Variants in GPHN observed in about 807,000 individuals in gnomAD.
GPHN encodes gephyrin.
In GPHN, 17 loss-of-function variants were observed where a neutral mutation model predicts 95.5. The observed-to-expected ratio is 0.18, with a 90% CI of 0.12 to 0.27. GPHN has a LOEUF of 0.27. Ranked by LOEUF, GPHN falls within the 10% of genes least tolerant of loss-of-function variation. GPHN has a pLI of 1.00. For missense variants in GPHN, 660 were observed against 978.1 expected (o/e 0.67, Z 4.34); for synonymous variants, 320 against 322.5 (o/e 0.99, Z 0.08).
the GPHN span, among the ~76,000 whole-genome samples, chr14:67,407,536 G>T: frequency 6.6e-6 from 1 of 151,750 alleles, no homozygotes; most frequent in Non-Finnish European, 1.5e-5. Context: ...AAACCCCTGG[G>T]CTCAAGCGAT....
At chr14:67,434,544 A>G in the GPHN span, among the ~76,000 whole-genome samples, 404 of 152,340 alleles carry the variant, frequency 2.7e-3, no homozygotes, top group Non-Finnish European at 4.5e-3. Context: ...TATTCATTTT[A>G]TCAAGAAGGT....
At chr14:67,030,603 C>CTT (rs2074147886) in intron 10 of GPHN, among the ~76,000 whole-genome samples, 1 of 152,184 alleles carries the variant, frequency 6.6e-6, no homozygotes, top group South Asian at 2.1e-4. Context: ...ACTTATCCTA[C>CTT]AGTTCTTTCA....
At chr14:67,246,312 G>A in the GPHN span, among the ~76,000 whole-genome samples, 1 of 151,342 alleles carries the variant, frequency 6.6e-6, no homozygotes, top group Non-Finnish European at 1.5e-5. Flanking sequence ...TTTATTTGTA[G>A]AGATAAGGTC....
At chr14:67,728,809 C>T in the GPHN span, among the ~76,000 whole-genome samples, 2 of 151,968 alleles carry the variant, frequency 1.3e-5, no homozygotes, top group African/African-American at 2.4e-5. Context: ...GTCCTACCCA[C>T]CACCTTCCAA....
the GPHN span, chr14:67,659,758 G>A: frequency 3.1e-5 from 50 of 1,613,216 alleles, no homozygotes; most frequent in Non-Finnish European, 3.6e-5. Flanking sequence ...CAGCATATAT[G>A]CCATATTTCA....
chr14:67,199,621 T>C, the GPHN span: 7 of 1,585,896 alleles, frequency 4.4e-6, no homozygotes, highest in East Asian at 2.2e-5. Context: ...GTGAGCGCCA[T>C]GGCTTAGCAG....
At chr14:67,309,810 T>C in the GPHN span, among the ~76,000 whole-genome samples, 1 of 152,144 alleles carries the variant, frequency 6.6e-6, no homozygotes, top group South Asian at 2.1e-4. Flanking sequence ...ATAAACATCC[T>C]AGGCAGGTGA....
chr14:67,122,946 GT>G (rs1280639790), intron 17 of GPHN, among the ~76,000 whole-genome samples: 1 of 152,194 alleles, frequency 6.6e-6, no homozygotes, highest in Non-Finnish European at 1.5e-5. Context: ...CCTCTGCTAA[GT>G]TTTCTAAGTA....
chr14:66,859,823 T>C (rs1337526801), intron 4 of GPHN, among the ~76,000 whole-genome samples: 1 of 152,028 alleles, frequency 6.6e-6, no homozygotes, highest in East Asian at 1.9e-4. Flanking sequence ...ACATGGAAAA[T>C]GCAATTGACA....
At chr14:67,488,376 C>A in the GPHN span, 1 of 152,302 alleles carries the variant, frequency 6.6e-6, no homozygotes, top group Non-Finnish European at 1.5e-5. Flanking sequence ...TTGGGGGGTG[C>A]CCCCCTGGGT....
chr14:67,177,170 AG>A (rs1331467459), intron 21 of GPHN, among the ~76,000 whole-genome samples: 1 of 152,192 alleles, frequency 6.6e-6, no homozygotes, highest in African/African-American at 2.4e-5. Context: ...CTGTGATGTT[AG>A]GATGTCGATT....
intron 8 of GPHN, among the ~76,000 whole-genome samples, chr14:66,956,338 C>A (rs559880212): frequency 1.4e-5 from 2 of 147,592 alleles, no homozygotes; most frequent in South Asian, 4.2e-4. Flanking sequence ...TTCTCTTTCA[C>A]CATTGGTTAT....
chr14:67,036,727 A>G (rs951876272), intron 10 of GPHN, among the ~76,000 whole-genome samples: 1 of 151,966 alleles, frequency 6.6e-6, no homozygotes, highest in Non-Finnish European at 1.5e-5. Flanking sequence ...AATAAACTTA[A>G]TGGAGAAAAT....
At chr14:67,441,397 G>A in the GPHN span, among the ~76,000 whole-genome samples, 3 of 152,164 alleles carry the variant, frequency 2.0e-5, no homozygotes, top group African/African-American at 7.2e-5. Context: ...TGGTCTCCAA[G>A]CTCAAGACCT....
At position 66,965,332 on chromosome 14, in the gene GPHN, A is replaced by T. The variant is rs1846707271; in HGVS notation, c.963+7A>T. 1.9e-6 allele frequency: 3 copies of T among 1,612,550 alleles called. 1 individual carries two copies. The highest frequency in any genetic ancestry group is 2.5e-6 in the Non-Finnish European group (3 of 1,178,782). ...TTCCTGCCCAACACCAAAAGTAAGTATGGTTCCTTCGCATCTTACACCTGC... is the reference window on the plus strand; with the variant it reads ...TTCCTGCCCAACACCAAAAGTAAGTTTGGTTCCTTCGCATCTTACACCTGC... On this transcript the variant is annotated splice_region_variant and intron_variant, in intron 9 of 22. Transcript: ENST00000478722.
chr14:67,466,733 C>T, the GPHN span, among the ~76,000 whole-genome samples: 1 of 152,138 alleles, frequency 6.6e-6, no homozygotes, highest in Admixed American at 6.5e-5. Context: ...TGGCTCACCC[C>T]TGTAATCTCA....
chr14:66,804,545 T>C (rs2060474862), intron 3 of GPHN, among the ~76,000 whole-genome samples: 1 of 152,220 alleles, frequency 6.6e-6, no homozygotes, highest in African/African-American at 2.4e-5. Flanking sequence ...TTTATTCAAA[T>C]TTTTAAGTTT....
At chr14:67,356,328 CA>C in the GPHN span, among the ~76,000 whole-genome samples, 1 of 150,226 alleles carries the variant, frequency 6.7e-6, no homozygotes, top group African/African-American at 2.5e-5. Context: ...GTCTGAGGCA[CA>C]AAAATCACTT....
At chr14:67,660,740 T>C in the GPHN span, among the ~76,000 whole-genome samples, 3 of 152,314 alleles carry the variant, frequency 2.0e-5, no homozygotes, top group Non-Finnish European at 4.4e-5. Context: ...CCCTAAATTA[T>C]TTTCATCTGC....
Sources: allele counts gnomAD v4.1 joint callset (sites outside exome capture counted in the v4.1 genomes callset), GRCh38; gene constraint gnomAD v4.1.1; transcripts MANE v1.5; gene names NCBI Gene and HGNC (gene_info 2026-07-23, HGNC 2026-07-21).